PSD3: variants seen among roughly 807,000 people sequenced by gnomAD.
The protein encoded by PSD3 is PH and SEC7 domain-containing protein 3.
PSD3 carries 49 observed loss-of-function variants against 105.5 expected under a neutral mutation model. The observed-to-expected ratio is 0.46, with a 90% CI of 0.37 to 0.59. The LOEUF is 0.59. Ranked by LOEUF, PSD3 falls within the 20% of genes least tolerant of loss-of-function variation. The pLI is 0.00. For synonymous variants in PSD3, 557 were observed against 457.8 expected, an observed-to-expected ratio of 1.22 and a Z score of -2.77; for missense variants, 1,561 against 1,263.8, an observed-to-expected ratio of 1.24 and a Z score of -3.57.
intron 2 of PSD3, among the ~76,000 whole-genome samples, chr8:18,879,566 C>T (rs1461719243): frequency 6.6e-6 from 1 of 152,040 alleles, no homozygotes; most frequent in South Asian, 2.1e-4. Context: ...GACACTGAAC[C>T]GTGAGAGATC....
chr8:18,646,800 A>T (rs1393155818), intron 10 of PSD3, among the ~76,000 whole-genome samples: 1 of 152,178 alleles, frequency 6.6e-6, no homozygotes, highest in South Asian at 2.1e-4. Flanking sequence ...AATGAGAATC[A>T]ATGCTGAGTT....
chr8:18,664,314 C>T (rs1809560772), intron 9 of PSD3, among the ~76,000 whole-genome samples: 1 of 152,058 alleles, frequency 6.6e-6, no homozygotes, highest in Non-Finnish European at 1.5e-5. Context: ...AGGGAACACA[C>T]AAAATATAAG....
chr8:18,569,236 T>A (rs1801990150), intron 14 of PSD3, among the ~76,000 whole-genome samples: 1 of 129,682 alleles, frequency 7.7e-6, no homozygotes, highest in Admixed American at 8.4e-5. Context: ...ATGGGATGGC[T>A]GGGTCAAATG....
intron 1 of PSD3, among the ~76,000 whole-genome samples, chr8:18,943,763 G>A (rs967730332): frequency 2.6e-5 from 4 of 152,116 alleles, no homozygotes; most frequent in African/African-American, 9.7e-5. Context: ...CTCTGGCCTA[G>A]GGGACACCAC....
intron 15 of PSD3, among the ~76,000 whole-genome samples, chr8:18,540,001 G>C (rs78214914): frequency 0.028 from 4,297 of 152,122 alleles, 55 homozygotes; most frequent in African/African-American, 0.037. Flanking sequence ...CGTACTAATG[G>C]AACTGTGCGC....
chr8:18,672,609 A>C (rs76780080), intron 9 of PSD3, among the ~76,000 whole-genome samples: 7,021 of 152,304 alleles, frequency 0.046, 514 homozygotes, highest in African/African-American at 0.16. Context: ...TAAATGAGAA[A>C]ATAAATTTTT....
chr8:18,717,864 A>G (rs1461477683), intron 9 of PSD3, among the ~76,000 whole-genome samples: 1 of 152,144 alleles, frequency 6.6e-6, no homozygotes, highest in Non-Finnish European at 1.5e-5. Context: ...CCTTACGAAC[A>G]TTAAATTCTC....
chr8:18,965,206 A>G (rs1304136672), intron 1 of PSD3, among the ~76,000 whole-genome samples: 1 of 152,200 alleles, frequency 6.6e-6, no homozygotes, highest in South Asian at 2.1e-4. Context: ...TTTCTATGAC[A>G]ATAACCTCAT....
rs73582047 is a variant in PSD3 at position 18,601,015 on chromosome 8, G to C, written c.2411-581C>G. ...GATCTTGCTGTAATGTACTATTTTCGTCTAAATGTCTCTTTCACTAGACTA... is the reference window on the plus strand; with the variant it reads ...GATCTTGCTGTAATGTACTATTTTCCTCTAAATGTCTCTTTCACTAGACTA... On this transcript the variant is annotated intron_variant, in intron 11 of 15. Coordinates refer to ENST00000327040, the MANE Select transcript of PSD3 (RefSeq NM_015310.4). 8.9e-3 allele frequency among the ~76,000 whole-genome samples: 1,362 copies of C among 152,208 alleles called. 20 individuals carry two copies. The highest frequency in any genetic ancestry group is 0.032 in the African/African-American group (1,316 of 41,528).
chr8:18,754,420 A>G (rs1805859259), intron 9 of PSD3, among the ~76,000 whole-genome samples: 1 of 152,168 alleles, frequency 6.6e-6, no homozygotes, highest in Non-Finnish European at 1.5e-5. Flanking sequence ...TTAAAAATTT[A>G]TGTAATAACC....
intron 1 of PSD3, among the ~76,000 whole-genome samples, chr8:19,019,040 C>T (rs1827272176): frequency 6.6e-6 from 1 of 152,144 alleles, no homozygotes; most frequent in Non-Finnish European, 1.5e-5. Flanking sequence ...TATGATCTGC[C>T]CACCTCGGTC....
At chr8:18,972,553 G>A (rs1420057198) in intron 1 of PSD3, among the ~76,000 whole-genome samples, 1 of 152,348 alleles carries the variant, frequency 6.6e-6, no homozygotes, top group African/African-American at 2.4e-5. Flanking sequence ...TGTGCTGAAT[G>A]TGTTCCCCCC....
chr8:18,819,742 C>G (rs1243772327), intron 4 of PSD3, among the ~76,000 whole-genome samples: 2 of 152,070 alleles, frequency 1.3e-5, no homozygotes, highest in South Asian at 2.1e-4. Context: ...CCACGCCCAG[C>G]TAATTTTTGT....
At chr8:19,057,107 A>C (rs1373900666) in intron 1 of PSD3, among the ~76,000 whole-genome samples, 1 of 152,088 alleles carries the variant, frequency 6.6e-6, no homozygotes, top group Non-Finnish European at 1.5e-5. Flanking sequence ...TCAATCCTGC[A>C]TCAACAGCAC....
intron 4 of PSD3, among the ~76,000 whole-genome samples, chr8:18,828,067 A>ATT (rs71218905): frequency 0.017 from 2,069 of 118,854 alleles, 60 homozygotes; most frequent in African/African-American, 0.056. Context: ...ATATATATAT[A>ATT]TTTTTTTTTT....
intron 9 of PSD3, among the ~76,000 whole-genome samples, chr8:18,734,795 A>C (rs1336075697): frequency 6.6e-6 from 1 of 152,176 alleles, no homozygotes; most frequent in Non-Finnish European, 1.5e-5. Context: ...AAGAAGGAAG[A>C]CCACAGTTTC....
chr8:18,957,045 G>C (rs980863141), intron 1 of PSD3, among the ~76,000 whole-genome samples: 4 of 152,016 alleles, frequency 2.6e-5, no homozygotes, highest in African/African-American at 9.7e-5. Flanking sequence ...CCAATTCTTG[G>C]GGCATCTATC....
At chr8:18,678,839 G>C (rs1463296220) in intron 9 of PSD3, among the ~76,000 whole-genome samples, 2 of 151,896 alleles carry the variant, frequency 1.3e-5, no homozygotes, top group Admixed American at 6.6e-5. Flanking sequence ...TTTCCTTCTT[G>C]CACCTCTCAT....
intron 2 of PSD3, among the ~76,000 whole-genome samples, chr8:18,918,082 T>TA (rs1563419140): frequency 6.6e-6 from 1 of 152,152 alleles, no homozygotes; most frequent in South Asian, 2.1e-4. Context: ...ATTATTTTTT[T>TA]AAAAAATTAA....
Sources: gnomAD v4.1 joint callset for allele counts (sites outside exome capture counted in the v4.1 genomes callset) on GRCh38, gnomAD v4.1.1 for gene constraint, MANE v1.5 for transcripts, NCBI Gene and HGNC (gene_info 2026-07-23, HGNC 2026-07-21) for gene names.